SLAMF1: variants seen among roughly 807,000 people sequenced by gnomAD.
The protein encoded by SLAMF1 is signaling lymphocytic activation molecule family member 1.
SLAMF1 carries 18 observed loss-of-function variants against 35.1 expected under a neutral mutation model. The ratio of observed to expected loss-of-function variants is 0.51; its 90% CI spans 0.35 to 0.76. The LOEUF (loss-of-function observed/expected upper bound fraction) is 0.76, where lower values mean the gene tolerates loss of function less well. Among genes scored for constraint, SLAMF1 ranks in the 30% least tolerant of loss-of-function variants. SLAMF1 has a pLI of 0.01. For missense variants in SLAMF1, 392 were observed against 413.0 expected (o/e 0.95, Z 0.44); for synonymous variants, 168 against 157.2 (o/e 1.07, Z -0.51).
At chr1:160,622,555 T>C (rs1659670277) in intron 4 of SLAMF1, among the ~76,000 whole-genome samples, 1 of 152,214 alleles carries the variant, frequency 6.6e-6, no homozygotes, top group Admixed American at 6.5e-5. Flanking sequence ...CTAAGAGATC[T>C]GTCTATCTGT....
At chr1:160,628,656 T>C (rs577674724) in intron 3 of SLAMF1, among the ~76,000 whole-genome samples, 17 of 152,316 alleles carry the variant, frequency 1.1e-4, no homozygotes, top group Non-Finnish European at 1.6e-4. Flanking sequence ...GCACTCAATA[T>C]GCACTCGATG....
At chr1:160,615,026 C>G (rs192639326) in intron 5 of SLAMF1, among the ~76,000 whole-genome samples, 2 of 152,136 alleles carry the variant, frequency 1.3e-5, no homozygotes, top group African/African-American at 4.8e-5. Flanking sequence ...TCCTAGCACA[C>G]AGTAAACACT....
chr1:160,612,612 G>C, intron 5 of SLAMF1, 32 bp from the exon 6 acceptor site: 1 of 1,326,674 alleles, frequency 7.5e-7, no homozygotes, highest in East Asian at 2.3e-5. Context: ...CAGATTAGCT[G>C]AACAGAGAGA....
intron 5 of SLAMF1, among the ~76,000 whole-genome samples, chr1:160,614,778 G>A (rs572785588): frequency 6.6e-6 from 1 of 152,224 alleles, no homozygotes; most frequent in Non-Finnish European, 1.5e-5. Context: ...CTCTGTGTGT[G>A]CTTAAATGTT....
At chr1:160,623,951 C>A in intron 4 of SLAMF1, 145 bp downstream of exon 4, 1 of 640,212 alleles carries the variant, frequency 1.6e-6, no homozygotes, top group Non-Finnish European at 2.7e-6. Flanking sequence ...TAAGCAAGGT[C>A]CCAGGATATG....
chr1:160,633,318 A>G (rs567246893), intron 3 of SLAMF1, among the ~76,000 whole-genome samples: 5 of 152,246 alleles, frequency 3.3e-5, no homozygotes, highest in Admixed American at 3.3e-4. Flanking sequence ...TGGCTATGAA[A>G]TGTCTGGGGA....
At chr1:160,645,271 C>A (rs1020166538) in intron 1 of SLAMF1, among the ~76,000 whole-genome samples, 2 of 152,110 alleles carry the variant, frequency 1.3e-5, no homozygotes, top group Admixed American at 1.3e-4. Flanking sequence ...ACTAACCTGC[C>A]CCATTTGCAA....
intron 6 of SLAMF1, 77 bp from the exon 7 acceptor site, chr1:160,610,875 T>C: frequency 9.0e-7 from 1 of 1,106,376 alleles, no homozygotes; most frequent in Non-Finnish European, 1.4e-6. Flanking sequence ...ACAGCACTGC[T>C]GAGGAAAAGG....
At position 160,634,808 on chromosome 1, in the gene SLAMF1, C is replaced by G; in HGVS notation, c.505G>C (p.Gly169Arg). 1 of 1,614,098 alleles carries G rather than the reference C, an allele frequency of 6.2e-7. No individual in the cohort carries two copies. Among genetic ancestry groups the G allele is most frequent in the Admixed American group, 1.7e-5 (1 of 60,022 alleles). ...CTCCAGCTGTAAGCCACATGGTCCCCCTTCTCCACTGTGCAGCCCAGTATC... is the reference window on the plus strand; with the variant it reads ...CTCCAGCTGTAAGCCACATGGTCCCGCTTCTCCACTGTGCAGCCCAGTATC... The part of the protein sequence containing the change: ...TLILGCTVEK[G>R]DHVAYSWSEK... The change falls in exon 3 of 7, where the codon GGG (glycine) becomes CGG (arginine). Residue 169 changes from glycine (G) to arginine (R), a missense_variant. Transcript: ENST00000302035.
chr1:160,625,878 A>G (rs543435521), intron 3 of SLAMF1, among the ~76,000 whole-genome samples: 1 of 147,410 alleles, frequency 6.8e-6, no homozygotes, highest in African/African-American at 2.6e-5. Flanking sequence ...TGTGTTTGAG[A>G]CAGATTGATT....
In SLAMF1 at chr1:160,612,535, T is replaced by C. The variant is rs1185925587; in HGVS notation, c.910A>G (p.Thr304Ala). 2.5e-6 allele frequency: 4 copies of C among 1,613,162 alleles called. No individual in the cohort carries two copies. The highest frequency in any genetic ancestry group is 2.5e-6 in the Non-Finnish European group (3 of 1,179,654). The change falls in exon 6 of 7, where the codon ACC (threonine) becomes GCC (alanine). Residue 304 changes from threonine to alanine, a missense_variant. Thr to Ala is a moderately conservative substitution (Grantham distance 58). Coordinates refer to ENST00000302035, the MANE Select transcript of SLAMF1 (RefSeq NM_003037.5). The stretch of plus-strand genomic sequence containing the variant: ...TCTGTGGCAGCAACATATATGGTGG[T>C]GCAAGGGTCCTGAGCTGGGAAGGAG... ...LDSFPAQDPCTTIYVAATEPV... is the reference protein window; with the variant it reads ...LDSFPAQDPCATIYVAATEPV...
At chr1:160,635,004 C>A (rs1054036463) in intron 2 of SLAMF1, 107 bp from the exon 3 acceptor site, 2 of 947,184 alleles carry the variant, frequency 2.1e-6, no homozygotes, top group African/African-American at 1.7e-5. Context: ...TTTCCCTCCC[C>A]CTCAATGTGA....
chr1:160,636,749 C>T (rs1660472834), intron 2 of SLAMF1, among the ~76,000 whole-genome samples: 1 of 152,200 alleles, frequency 6.6e-6, no homozygotes, highest in African/African-American at 2.4e-5. Flanking sequence ...TGCAGTGAAA[C>T]ACCTACACAA....
chr1:160,621,375 A>G (rs1558005672), intron 4 of SLAMF1, among the ~76,000 whole-genome samples: 2 of 152,116 alleles, frequency 1.3e-5, no homozygotes, highest in African/African-American at 2.4e-5. Flanking sequence ...CCTGGCCAAC[A>G]TGGGGAAACC....
intron 1 of SLAMF1, among the ~76,000 whole-genome samples, chr1:160,638,485 A>T (rs1431741920): frequency 6.6e-6 from 1 of 152,002 alleles, no homozygotes; most frequent in Admixed American, 6.5e-5. Context: ...TTTTTTTACT[A>T]GGTTATTTCC....
In SLAMF1 at chr1:160,619,779, T is replaced by C; in HGVS notation, c.861A>G (p.Pro287=). The part of the protein sequence containing the change: ...SLTIYAQVQK[P]GPLQKKLDSF... ...TCAAACAAAATATAGAACTTACACC[T>C]GGTTTCTGGACTTGGGCATAGATCG... The change falls in exon 5 of 7, where the codon CCA becomes CCG. Residue 287 remains proline, a synonymous_variant. Transcript: ENST00000302035. The C allele has an allele frequency of 6.3e-7, 1 of 1,599,754 alleles. No homozygotes were observed. Among genetic ancestry groups the C allele is most frequent in the Non-Finnish European group, 8.6e-7 (1 of 1,166,934 alleles).
At chr1:160,636,037 C>T (rs1660439751) in intron 2 of SLAMF1, among the ~76,000 whole-genome samples, 1 of 152,204 alleles carries the variant, frequency 6.6e-6, no homozygotes, top group African/African-American at 2.4e-5. Flanking sequence ...AAAATCCAAA[C>T]TCTTCCTTTG....
Position 160,642,553 on chromosome 1 carries a change from C to G in SLAMF1, c.76+4317G>C, listed in dbSNP as rs185097093. On this transcript the variant is annotated intron_variant, in intron 1 of 6. Transcript: ENST00000302035. The surrounding 1 kb of genome is among the most constrained non-coding windows in gnomAD (Gnocchi z 4.2). Reference sequence around the variant, plus strand: ...TTTATTCACTACAGTATCCCTAACACCCACCTGGGACATAGTAGGAGCTCA... The same window carrying G: ...TTTATTCACTACAGTATCCCTAACAGCCACCTGGGACATAGTAGGAGCTCA... 6.6e-6 allele frequency among the ~76,000 whole-genome samples: 1 copy of G among 152,304 alleles called. No individual in the cohort carries two copies. The highest frequency in any genetic ancestry group is 1.5e-5 in the Non-Finnish European group (1 of 68,014).
In SLAMF1 at chr1:160,608,249, A is replaced by G. The variant is rs942790445; in HGVS notation, c.*2499T>C. On this transcript the variant is annotated 3_prime_UTR_variant, in exon 7 of 7. Transcript: ENST00000302035. ...ACATCCCCGCTGTGTGAATGGAGGA[A>G]GCGTCCTGAAGAGCCTGGGACTGTG... The G allele has an allele frequency of 6.6e-6, 1 of 152,240 alleles. No individual in the cohort carries two copies. Among genetic ancestry groups the G allele is most frequent in the Admixed American group, 6.5e-5 (1 of 15,280 alleles). The allele number at this position is 152,240 out of a possible 1,614,324, so 9.4% of individuals were successfully genotyped here.
Sources: allele counts gnomAD v4.1 joint callset (sites outside exome capture counted in the v4.1 genomes callset), GRCh38; gene constraint gnomAD v4.1.1; non-coding constraint Gnocchi (gnomAD v3.1); transcripts MANE v1.5; gene names NCBI Gene and HGNC (gene_info 2026-07-23, HGNC 2026-07-21).